GNG7: variants seen among roughly 807,000 people sequenced by gnomAD.
GNG7 encodes the protein guanine nucleotide-binding protein G(I)/G(S)/G(O) subunit gamma-7.
Under a neutral mutation model 4.0 loss-of-function variants are expected in GNG7, and 1 was observed. The observed-to-expected ratio is 0.25, with a 90% CI of 0.09 to 1.18. The LOEUF (loss-of-function observed/expected upper bound fraction) is 1.18, where lower values mean the gene tolerates loss of function less well. Ranked by LOEUF, GNG7 falls within the 50% of genes most tolerant of loss-of-function variation. The pLI, the probability that GNG7 is intolerant of heterozygous loss-of-function variation, is 0.50. For synonymous variants in GNG7, 34 were observed against 36.9 expected, an observed-to-expected ratio of 0.92 and a Z score of 0.29; for missense variants, 86 against 91.9, an observed-to-expected ratio of 0.94 and a Z score of 0.26.
rs1981776346 is a variant in GNG7 at position 2,618,345 on chromosome 19, GTGTGT to G, written c.-78+27874_-78+27878del. Among the ~76,000 whole-genome samples the G allele has an allele frequency of 1.7e-5, 2 of 115,834 alleles. No homozygotes were observed. Among genetic ancestry groups the G allele is most frequent in the African/African-American group, 8.4e-5 (2 of 23,824 alleles). 76.0% of individuals were successfully genotyped at this position (115,834 alleles called of 152,430 possible). On this transcript the variant is annotated intron_variant, in intron 2 of 4. Transcript: ENST00000382159. This position sits in a 1 kb window ranked among gnomAD's most constrained non-coding sequence, Gnocchi z 5.1. ...TCTTTTCTACCTGTATGTGTGTGGT[GTGTGT>G]GTGTGTGTGTGTGTGTGTGTGTGTA...
At chr19:2,659,013 A>G (rs1451190752) in intron 1 of GNG7, among the ~76,000 whole-genome samples, 4 of 149,558 alleles carry the variant, frequency 2.7e-5, no homozygotes, top group Non-Finnish European at 4.4e-5. Flanking sequence ...TCTGTCACCC[A>G]GGCTGGAGGG....
At chr19:2,538,495 G>T (rs953755380) in intron 3 of GNG7, among the ~76,000 whole-genome samples, 1 of 151,184 alleles carries the variant, frequency 6.6e-6, no homozygotes, top group East Asian at 2.0e-4. Context: ...GCCTGGCATG[G>T]TGGTGCACAC....
rs541953846 is a variant in GNG7, at chr19:2,560,010, C to T, written c.-77-4822G>A. Among the ~76,000 whole-genome samples, 15 of 152,160 alleles carry T rather than the reference C, an allele frequency of 9.9e-5. No homozygotes were observed. The South Asian group carries it at 1.0e-3, about 11-fold the overall frequency. ...CCAAAAAGAGCACAAAAACGCAAACCCCGAGGCTCTCGCTAGACAGTAATG... is the reference window on the plus strand; with the variant it reads ...CCAAAAAGAGCACAAAAACGCAAACTCCGAGGCTCTCGCTAGACAGTAATG... On this transcript the variant is annotated intron_variant, in intron 2 of 4. Coordinates refer to ENST00000382159, the MANE Select transcript of GNG7 (RefSeq NM_052847.3).
chr19:2,670,243 G>A (rs1387978072), intron 1 of GNG7, among the ~76,000 whole-genome samples: 1 of 152,150 alleles, frequency 6.6e-6, no homozygotes, highest in Non-Finnish European at 1.5e-5. Context: ...TCTGGCCACG[G>A]AGACCCACCC....
chr19:2,606,476 G>C (rs1568260727), intron 2 of GNG7, among the ~76,000 whole-genome samples: 2 of 151,986 alleles, frequency 1.3e-5, no homozygotes, highest in Non-Finnish European at 2.9e-5. Flanking sequence ...CCAACATGGA[G>C]AAACCCCATC....
intron 1 of GNG7, among the ~76,000 whole-genome samples, chr19:2,683,060 A>C (rs1983781679): frequency 6.6e-6 from 1 of 151,876 alleles, no homozygotes; most frequent in Non-Finnish European, 1.5e-5. Context: ...GTGAAACCCC[A>C]TCTCTTTAAA....
chr19:2,597,064 T>A (rs1981044178), intron 2 of GNG7, among the ~76,000 whole-genome samples: 1 of 151,576 alleles, frequency 6.6e-6, no homozygotes, highest in Non-Finnish European at 1.5e-5. Flanking sequence ...TTCAAGATCA[T>A]CCTGGACAAC....
intron 1 of GNG7, among the ~76,000 whole-genome samples, chr19:2,699,817 TAGAG>T (rs1378396787): frequency 6.6e-6 from 1 of 152,158 alleles, no homozygotes; most frequent in African/African-American, 2.4e-5. Flanking sequence ...AGCGCTGGGA[TAGAG>T]AGACCCAGAC....
At chr19:2,637,231 G>A (rs1016196569) in intron 2 of GNG7, among the ~76,000 whole-genome samples, 14 of 148,452 alleles carry the variant, frequency 9.4e-5, no homozygotes, top group Non-Finnish European at 2.1e-4. Context: ...CCCCGAGCCC[G>A]GCCCGTCTTT....
intron 1 of GNG7, among the ~76,000 whole-genome samples, chr19:2,686,765 T>C (rs564204905): frequency 1.3e-5 from 2 of 151,322 alleles, no homozygotes; most frequent in South Asian, 4.2e-4. Context: ...TTTTTTTTTT[T>C]TTTTGAGACA....
At chr19:2,577,694 C>A (rs1436008993) in intron 2 of GNG7, among the ~76,000 whole-genome samples, 1 of 59,612 alleles carries the variant, frequency 1.7e-5, no homozygotes, top group Non-Finnish European at 2.8e-5. Flanking sequence ...GAGCAAGATT[C>A]CATCTCAAAA....
At chr19:2,587,310 G>C (rs754327064) in intron 2 of GNG7, among the ~76,000 whole-genome samples, 1 of 152,076 alleles carries the variant, frequency 6.6e-6, no homozygotes, top group African/African-American at 2.4e-5. Context: ...CTGTCCCTCC[G>C]ACCTCACCTG....
rs899898466 is a variant in GNG7 at position 2,614,127 on chromosome 19, C to T, written c.-78+32097G>A. The stretch of plus-strand genomic sequence containing the variant: ...GTTGCGAGACCACATCCTCACCACC[C>T]GGTGAACGGCACTGGGAGCAGACTC... On this transcript the variant is annotated intron_variant, in intron 2 of 4. Coordinates refer to ENST00000382159, the MANE Select transcript of GNG7 (RefSeq NM_052847.3). The surrounding 1 kb of genome is among the most constrained non-coding windows in gnomAD (Gnocchi z 6.0). Among the ~76,000 whole-genome samples, 11 of 152,210 alleles carry T rather than the reference C, an allele frequency of 7.2e-5. No individual in the cohort carries two copies. Among genetic ancestry groups the T allele is most frequent in the African/African-American group, 2.4e-4 (10 of 41,458 alleles).
chr19:2,690,747 C>T (rs1358632818), intron 1 of GNG7, among the ~76,000 whole-genome samples: 1 of 152,158 alleles, frequency 6.6e-6, no homozygotes, highest in Admixed American at 6.5e-5. Context: ...GCACGCACCA[C>T]CACGCCCAAC....
intron 2 of GNG7, among the ~76,000 whole-genome samples, chr19:2,613,528 C>G (rs965976652): frequency 6.6e-6 from 1 of 152,216 alleles, no homozygotes; most frequent in African/African-American, 2.4e-5. Context: ...TCTCCCTCCC[C>G]ACTCAGGGTG....
chr19:2,683,936 A>T (rs11878715), intron 1 of GNG7, among the ~76,000 whole-genome samples: 119 of 152,316 alleles, frequency 7.8e-4, no homozygotes, highest in African/African-American at 2.8e-3. Context: ...ATCCGCCCTC[A>T]GCCCCAGGGG....
At chr19:2,522,299 G>A (rs972286020) in intron 3 of GNG7, among the ~76,000 whole-genome samples, 1 of 152,150 alleles carries the variant, frequency 6.6e-6, no homozygotes, top group Non-Finnish European at 1.5e-5. Context: ...GCAGGGGCAG[G>A]GGCCAGGTTC....
chr19:2,564,852 T>G (rs1256572505), intron 2 of GNG7, among the ~76,000 whole-genome samples: 4 of 151,006 alleles, frequency 2.6e-5, no homozygotes, highest in African/African-American at 4.9e-5. Context: ...TGTAATAATT[T>G]GCATGGCACT....
At chr19:2,638,255 C>T (rs144602831) in intron 2 of GNG7, among the ~76,000 whole-genome samples, 3 of 149,736 alleles carry the variant, frequency 2.0e-5, no homozygotes, top group African/African-American at 4.9e-5. Flanking sequence ...CCCAGCTACT[C>T]GGGAGGCCGA....
Sources: gnomAD v4.1 joint callset for allele counts (sites outside exome capture counted in the v4.1 genomes callset) on GRCh38, gnomAD v4.1.1 for gene constraint, Gnocchi (gnomAD v3.1) non-coding constraint, MANE v1.5 for transcripts, NCBI Gene and HGNC (gene_info 2026-07-23, HGNC 2026-07-21) for gene names.